The following CAMKMT variants were observed in gnomAD, a reference collection of about 807,000 sequenced individuals.
CAMKMT encodes calmodulin-lysine N-methyltransferase, also known as CaM KMT.
CAMKMT carries 53 observed loss-of-function variants against 48.0 expected under a neutral mutation model. That is an observed-to-expected ratio of 1.10 (90% CI 0.89 to 1.39). CAMKMT has a LOEUF of 1.39. Among genes scored for constraint, CAMKMT ranks in the 40% most tolerant of loss-of-function variants. The probability of loss-of-function intolerance (pLI) is 0.00; values close to 1 mark genes in which losing one functional copy is unlikely to be tolerated. For missense variants in CAMKMT, 428 were observed against 402.7 expected (o/e 1.06, Z -0.54); for synonymous variants, 165 against 152.3 (o/e 1.08, Z -0.61).
intron 3 of CAMKMT, among the ~76,000 whole-genome samples, chr2:44,434,345 A>G (rs1684824266): frequency 1.3e-5 from 2 of 152,072 alleles, no homozygotes; most frequent in South Asian, 4.1e-4. Flanking sequence ...TATTAAGTGT[A>G]TTGCAAATAA....
At chr2:44,647,755 A>C (rs1421187820) in intron 3 of CAMKMT, among the ~76,000 whole-genome samples, 1 of 151,834 alleles carries the variant, frequency 6.6e-6, no homozygotes, top group Non-Finnish European at 1.5e-5. Context: ...AAAATACAAA[A>C]AAATTAGCCA....
At chr2:44,629,119 A>G (rs79738642) in intron 3 of CAMKMT, among the ~76,000 whole-genome samples, 2,232 of 152,250 alleles carry the variant, frequency 0.015, 53 homozygotes, top group African/African-American at 0.051. Context: ...GAGTAGTGAA[A>G]TCTCCTATAT....
At chr2:44,649,803 C>T (rs923002747) in intron 3 of CAMKMT, among the ~76,000 whole-genome samples, 10 of 152,260 alleles carry the variant, frequency 6.6e-5, no homozygotes, top group African/African-American at 1.7e-4. Context: ...TAGTATCAAG[C>T]GGGTCACTGT....
chr2:44,709,685 A>G (rs1677767686), intron 6 of CAMKMT, among the ~76,000 whole-genome samples: 1 of 152,116 alleles, frequency 6.6e-6, no homozygotes, highest in African/African-American at 2.4e-5. Flanking sequence ...CATACTATTG[A>G]TGCATATAGA....
chr2:44,611,163 G>T (rs1238670637), intron 3 of CAMKMT, among the ~76,000 whole-genome samples: 1 of 152,162 alleles, frequency 6.6e-6, no homozygotes, highest in Non-Finnish European at 1.5e-5. Flanking sequence ...TGGGCATGGT[G>T]GCTCATGCCT....
At chr2:44,383,623 T>C (rs1367877788) in intron 2 of CAMKMT, among the ~76,000 whole-genome samples, 2 of 152,146 alleles carry the variant, frequency 1.3e-5, no homozygotes, top group East Asian at 3.8e-4. Context: ...GTTTATCCCT[T>C]GTACCCCTCC....
rs138087597 is a variant in CAMKMT at position 44,569,282 on chromosome 2, G to T, written c.377-135001G>T. On this transcript the variant is annotated intron_variant, in intron 3 of 10. Transcript: ENST00000378494. ...TTACTTGCAATATTTCTGCTTACAT[G>T]GTAAAGGTCTATAAATCAAGATGCA... Among the ~76,000 whole-genome samples the T allele has an allele frequency of 4.3e-3, 648 of 152,134 alleles. 7 individuals carry two copies. The highest frequency in any genetic ancestry group is 0.015 in the African/African-American group (621 of 41,486).
At chr2:44,557,768 A>C (rs1286552046) in intron 3 of CAMKMT, among the ~76,000 whole-genome samples, 1 of 152,168 alleles carries the variant, frequency 6.6e-6, no homozygotes, top group East Asian at 1.9e-4. Context: ...AGTATTTTTA[A>C]GTCACTTTTT....
At chr2:44,363,097 C>T (rs905972972) in intron 1 of CAMKMT, among the ~76,000 whole-genome samples, 4 of 152,088 alleles carry the variant, frequency 2.6e-5, no homozygotes, top group African/African-American at 7.2e-5. Flanking sequence ...CCTTGAGTCA[C>T]CTTTTCATAC....
intron 3 of CAMKMT, among the ~76,000 whole-genome samples, chr2:44,537,776 T>C (rs899403226): frequency 6.6e-6 from 1 of 152,200 alleles, no homozygotes; most frequent in Admixed American, 6.5e-5. Flanking sequence ...TTGTCCTGGC[T>C]GTTCTTGAAC....
chr2:44,764,030 G>T (rs1400071918), intron 9 of CAMKMT, among the ~76,000 whole-genome samples: 3 of 146,006 alleles, frequency 2.1e-5, no homozygotes, highest in African/African-American at 2.5e-5. Context: ...ATTCCCTGTT[G>T]TTTTTTTTTT....
rs75226798 is a variant in CAMKMT at position 44,439,924 on chromosome 2, G to C, written c.376+49619G>C. Among the ~76,000 whole-genome samples the C allele has an allele frequency of 9.7e-3, 1,474 of 152,212 alleles. 27 individuals carry two copies. The highest frequency in any genetic ancestry group is 0.034 in the African/African-American group (1,391 of 41,508). ...CAAGAAATGTCAGGAGCCAACAACA[G>C]AGTTACTGAATGAAACCCCTGAAGA... On this transcript the variant is annotated intron_variant, in intron 3 of 10. Coordinates refer to ENST00000378494, the MANE Select transcript of CAMKMT (RefSeq NM_024766.5).
At chr2:44,579,061 G>A (rs765813508) in intron 3 of CAMKMT, among the ~76,000 whole-genome samples, 5 of 152,168 alleles carry the variant, frequency 3.3e-5, no homozygotes, top group Non-Finnish European at 5.9e-5. Flanking sequence ...AGTGACAGTG[G>A]GTAATAGGAA....
At chr2:44,512,778 T>C (rs1670633970) in intron 3 of CAMKMT, among the ~76,000 whole-genome samples, 1 of 152,218 alleles carries the variant, frequency 6.6e-6, no homozygotes, top group Admixed American at 6.5e-5. Flanking sequence ...TAAAATTATA[T>C]TTTTATTTGA....
At chr2:44,605,081 A>T (rs893948757) in intron 3 of CAMKMT, among the ~76,000 whole-genome samples, 1 of 152,160 alleles carries the variant, frequency 6.6e-6, no homozygotes, top group African/African-American at 2.4e-5. Context: ...CCAAAAATTC[A>T]TGGTAATAAT....
chr2:44,670,833 CAG>C (rs1281249604), intron 3 of CAMKMT, among the ~76,000 whole-genome samples: 1 of 152,162 alleles, frequency 6.6e-6, no homozygotes, highest in Non-Finnish European at 1.5e-5. Flanking sequence ...CTGCCTCAGC[CAG>C]GTCTGTCTTC....
At chr2:44,670,591 G>A (rs1449705912) in intron 3 of CAMKMT, among the ~76,000 whole-genome samples, 1 of 152,174 alleles carries the variant, frequency 6.6e-6, no homozygotes, top group African/African-American at 2.4e-5. Context: ...GTTAAAGGCT[G>A]CAGAGAGCTA....
In CAMKMT at chr2:44,640,239, A is replaced by G. The variant is rs570335681; in HGVS notation, c.377-64044A>G. Among the ~76,000 whole-genome samples, 52 of 152,308 alleles carry G rather than the reference A, an allele frequency of 3.4e-4. 2 individuals carry two copies. The South Asian group carries it at 0.01, about 30-fold the overall frequency. ...TAGAGGCATCATTAGAAAAATGAAC[A>G]CTGGTTCTTAATACTTAAAAAACAC... On this transcript the variant is annotated intron_variant, in intron 3 of 10. Coordinates refer to ENST00000378494, the MANE Select transcript of CAMKMT (RefSeq NM_024766.5).
intron 3 of CAMKMT, among the ~76,000 whole-genome samples, chr2:44,409,104 T>G (rs1558587764): frequency 2.8e-4 from 1 of 3,516 alleles, no homozygotes; most frequent in Non-Finnish European, 6.3e-4. Flanking sequence ...TATATATATA[T>G]ATATATATAT....
Sources: gnomAD v4.1 joint callset for allele counts (sites outside exome capture counted in the v4.1 genomes callset) on GRCh38, gnomAD v4.1.1 for gene constraint, MANE v1.5 for transcripts, NCBI Gene and HGNC (gene_info 2026-07-23, HGNC 2026-07-21) for gene names.